Variants in ZMAT3 observed in about 807,000 individuals in gnomAD.
ZMAT3 encodes zinc finger matrin-type protein 3.
A neutral mutation model predicts 32.3 loss-of-function variants in ZMAT3; 17 were observed. The ratio of observed to expected loss-of-function variants is 0.53; its 90% confidence interval spans 0.36 to 0.79. The LOEUF (loss-of-function observed/expected upper bound fraction) is 0.79, where lower values mean the gene tolerates loss of function less well. Among genes scored for constraint, ZMAT3 ranks in the 30% least tolerant of loss-of-function variants. The probability of loss-of-function intolerance (pLI) is 0.00; values close to 1 mark genes in which losing one functional copy is unlikely to be tolerated. For missense variants in ZMAT3, 329 were observed against 359.7 expected, an observed-to-expected ratio of 0.91 and a Z score of 0.69; for synonymous variants, 120 against 133.1, an observed-to-expected ratio of 0.90 and a Z score of 0.68.
At chr3:179,050,938 C>T (rs938469232) in intron 2 of ZMAT3, among the ~76,000 whole-genome samples, 9 of 152,170 alleles carry the variant, frequency 5.9e-5, no homozygotes, top group African/African-American at 2.2e-4. Flanking sequence ...ATCTAGCATC[C>T]CTTTATGGTT....
rs755712165 is a variant in ZMAT3, at chr3:179,067,578, G to T, written c.175C>A (p.Gln59Lys). The change falls in exon 2 of 6, where the codon CAA (glutamine) becomes AAA (lysine). Residue 59 changes from glutamine to lysine, a missense_variant. Gln to Lys is a moderately conservative substitution (Grantham distance 53). Transcript: ENST00000311417. ...CATAGCTCCTCCAGGGCACAGTCTT[G>T]CTCCCCTCCCTTCGATAACTCTTCT... ...GEEELSKGGE[Q>K]DCALEELCKP... The T allele has an allele frequency of 1.2e-6, 2 of 1,614,174 alleles. No individual in the cohort carries two copies. The highest frequency in any genetic ancestry group is 1.7e-6 in the Non-Finnish European group (2 of 1,180,036).
At chr3:179,045,211 C>T (rs1036837853) in intron 2 of ZMAT3, among the ~76,000 whole-genome samples, 1 of 152,062 alleles carries the variant, frequency 6.6e-6, no homozygotes, top group Admixed American at 6.5e-5. Flanking sequence ...CAGACAAGTG[C>T]AGTGTCATAG....
At chr3:179,067,914 C>G (rs1425462798) in intron 1 of ZMAT3, 105 bp from the exon 2 acceptor site, 13 of 1,103,916 alleles carry the variant, frequency 1.2e-5, no homozygotes, top group Non-Finnish European at 1.6e-5. Flanking sequence ...TTCTACTTCT[C>G]CAAACCCATC....
In ZMAT3 at chr3:179,017,301, G is replaced by A. The variant is rs1034445721; in HGVS notation, c.*7716C>T. The A allele has an allele frequency of 2.0e-5, 3 of 152,070 alleles. No homozygotes were observed. Among genetic ancestry groups the A allele is most frequent in the African/African-American group, 7.2e-5 (3 of 41,402 alleles). The allele number at this position is 152,070 out of a possible 1,614,324, so 9.4% of individuals were successfully genotyped here. Reference sequence around the variant, plus strand: ...TTATAATAATGTCAAGCCTTTATCAGAAATCAGTACATAAGTGAGGATACA... The same window carrying A: ...TTATAATAATGTCAAGCCTTTATCAAAAATCAGTACATAAGTGAGGATACA... On this transcript the variant is annotated 3_prime_UTR_variant, in exon 6 of 6. Coordinates refer to ENST00000311417, the MANE Select transcript of ZMAT3 (RefSeq NM_022470.4).
chr3:179,041,277 A>G (rs951232878), intron 2 of ZMAT3, among the ~76,000 whole-genome samples: 3 of 152,240 alleles, frequency 2.0e-5, no homozygotes, highest in Admixed American at 6.5e-5. Context: ...AACATAATAT[A>G]CATTCTTCTC....
rs768412643 is a variant in ZMAT3 at position 179,018,740 on chromosome 3, T to C, written c.*6277A>G. 1.1e-4 allele frequency: 17 copies of C among 152,174 alleles called. No homozygotes were observed. Among genetic ancestry groups the C allele is most frequent in the Non-Finnish European group, 2.4e-4 (16 of 68,022 alleles). 9.4% of individuals were successfully genotyped at this position (152,174 alleles called of 1,614,324 possible). A position where few individuals can be genotyped will look rare whatever the true frequency, so the allele number is the denominator to read the frequency against. On this transcript the variant is annotated 3_prime_UTR_variant, in exon 6 of 6. Coordinates refer to ENST00000311417, the MANE Select transcript of ZMAT3 (RefSeq NM_022470.4). ...ATGACTACAATAAAGCTAAAGATGG[T>C]TACTAAGGCTTACAATTTCAACAAC...
chr3:179,028,259 T>A (rs112151224), intron 3 of ZMAT3, among the ~76,000 whole-genome samples: 1,848 of 152,272 alleles, frequency 0.012, 22 homozygotes, highest in Non-Finnish European at 0.018. Context: ...AAAGAGCCCC[T>A]GTCCACAAAG....
intron 2 of ZMAT3, among the ~76,000 whole-genome samples, chr3:179,049,031 T>C (rs1426886828): frequency 1.3e-5 from 2 of 152,096 alleles, no homozygotes; most frequent in Non-Finnish European, 2.9e-5. Context: ...TATTCTTATT[T>C]GAGACAAAAT....
intron 1 of ZMAT3, among the ~76,000 whole-genome samples, chr3:179,069,010 T>C (rs1721570352): frequency 6.6e-6 from 1 of 152,190 alleles, no homozygotes; most frequent in Admixed American, 6.5e-5. Context: ...CTGCTGCCTG[T>C]ACTTGTTACT....
chr3:179,023,331 T>C lies in ZMAT3; in HGVS notation c.*1686A>G, dbSNP rs1033481249. On this transcript the variant is annotated 3_prime_UTR_variant, in exon 6 of 6. Transcript: ENST00000311417. ...CTGATATAATTATCAGATGCCAAAG[T>C]GATCTATCATATACTTGTTAGTATC... 2.0e-5 allele frequency: 3 copies of C among 152,034 alleles called. No homozygotes were observed. Among genetic ancestry groups the C allele is most frequent in the Non-Finnish European group, 2.9e-5 (2 of 67,996 alleles). 9.4% of individuals were successfully genotyped at this position (152,034 alleles called of 1,614,324 possible). A position where few individuals can be genotyped will look rare whatever the true frequency, so the allele number is the denominator to read the frequency against.
At chr3:179,039,916 G>T (rs1222135073) in intron 2 of ZMAT3, among the ~76,000 whole-genome samples, 2 of 152,134 alleles carry the variant, frequency 1.3e-5, no homozygotes, top group East Asian at 3.9e-4. Context: ...CATGGCATGG[G>T]AACTTCGTGA....
At chr3:179,037,045 G>GTGAGA in intron 2 of ZMAT3, among the ~76,000 whole-genome samples, 1 of 152,052 alleles carries the variant, frequency 6.6e-6, no homozygotes, top group East Asian at 1.9e-4. Flanking sequence ...AATCACTCTT[G>GTGAGA]GGCCCCCTCT....
chr3:179,027,096 T>C (rs2108535482), intron 5 of ZMAT3, among the ~76,000 whole-genome samples: 1 of 152,302 alleles, frequency 6.6e-6, no homozygotes, highest in South Asian at 2.1e-4. Flanking sequence ...TTTAACATGG[T>C]ACAACTTTAA....
intron 5 of ZMAT3, among the ~76,000 whole-genome samples, chr3:179,027,057 G>A (rs2108535452): frequency 6.6e-6 from 1 of 152,236 alleles, no homozygotes; most frequent in Non-Finnish European, 1.5e-5. Context: ...CACTAGCCTG[G>A]TTAAAAAACA....
At chr3:179,029,767 T>C (rs1719079453) in intron 3 of ZMAT3, among the ~76,000 whole-genome samples, 1 of 152,194 alleles carries the variant, frequency 6.6e-6, no homozygotes, top group South Asian at 2.1e-4. Context: ...TTATTTTAAG[T>C]TTTTAATGTT....
At chr3:179,072,466 T>A (rs963283443), upstream of ZMAT3, among the ~76,000 whole-genome samples, 7 of 152,268 alleles carry the variant, frequency 4.6e-5, no homozygotes, top group African/African-American at 1.7e-4. Flanking sequence ...CGCTAGGATG[T>A]CACATCCTTC....
chr3:179,035,378 T>C (rs1165169660), intron 2 of ZMAT3, among the ~76,000 whole-genome samples: 1 of 152,198 alleles, frequency 6.6e-6, no homozygotes, highest in African/African-American at 2.4e-5. Context: ...TCCAAGGCCT[T>C]TGTACTTAAC....
In ZMAT3 at chr3:179,067,690, C is replaced by T. The variant is rs777282271; in HGVS notation, c.63G>A (p.Met21Ile). The T allele has an allele frequency of 6.2e-7, 1 of 1,614,138 alleles. No individual in the cohort carries two copies. The highest frequency in any genetic ancestry group is 8.5e-7 in the Non-Finnish European group (1 of 1,180,024). The change falls in exon 2 of 6, where the codon ATG becomes ATA. Residue 21 changes from methionine to isoleucine, a missense_variant. By Grantham distance (10) the Met-to-Ile change is conservative (BLOSUM62 1). Coordinates refer to ENST00000311417, the MANE Select transcript of ZMAT3 (RefSeq NM_022470.4). ...PPKQPSPSPP[M>I]SVATRSTGTL... ...TTCCTGTAGACCTGGTGGCCACTGA[C>T]ATAGGAGGCGAGGGTGAGGGCTGCT...
intron 5 of ZMAT3, among the ~76,000 whole-genome samples, chr3:179,025,782 G>A (rs559346514): frequency 5.3e-5 from 8 of 152,214 alleles, no homozygotes; most frequent in African/African-American, 1.4e-4. Context: ...AAACTCTTAC[G>A]CTATTAAGTA....
Sources: gnomAD v4.1 joint callset for allele counts (sites outside exome capture counted in the v4.1 genomes callset) on GRCh38, gnomAD v4.1.1 for gene constraint, MANE v1.5 for transcripts, NCBI Gene and HGNC (gene_info 2026-07-23, HGNC 2026-07-21) for gene names.